DOCK10: variants seen among roughly 807,000 people sequenced by gnomAD.
DOCK10 encodes the protein dedicator of cytokinesis protein 10.
Under a neutral mutation model 280.1 loss-of-function variants are expected in DOCK10, and 145 were observed. The observed-to-expected ratio is 0.52, with a 90% CI of 0.45 to 0.59. DOCK10 has a LOEUF of 0.59. Ranked by LOEUF, DOCK10 falls within the 20% of genes least tolerant of loss-of-function variation. The probability of loss-of-function intolerance (pLI) is 0.00; values close to 1 mark genes in which losing one functional copy is unlikely to be tolerated. For missense variants in DOCK10, 2,368 were observed against 2,651.7 expected (o/e 0.89, Z 2.35); for synonymous variants, 915 against 942.2 (o/e 0.97, Z 0.53).
chr2:224,821,057 A>C (rs529098465), intron 28 of DOCK10, among the ~76,000 whole-genome samples: 28 of 152,392 alleles, frequency 1.8e-4, no homozygotes, highest in Non-Finnish European at 3.4e-4. Flanking sequence ...CAAAAGCTGC[A>C]ATCATTTGAA....
chr2:224,887,701 G>A (rs1165368239), intron 4 of DOCK10, among the ~76,000 whole-genome samples: 1 of 152,136 alleles, frequency 6.6e-6, no homozygotes, highest in African/African-American at 2.4e-5. Flanking sequence ...TTACAACATG[G>A]TGGTATGGGA....
intron 25 of DOCK10, 42 bp from the exon 26 acceptor site, chr2:224,834,305 A>T: frequency 8.8e-7 from 1 of 1,131,384 alleles, no homozygotes; most frequent in East Asian, 2.3e-5. Context: ...AATACTTTGA[A>T]AAATGAAGCT....
intron 1 of DOCK10, among the ~76,000 whole-genome samples, chr2:224,941,741 G>C (rs575123374): frequency 6.6e-6 from 1 of 151,824 alleles, no homozygotes; most frequent in East Asian, 1.9e-4. Context: ...CTACTCGAGA[G>C]ACCGAGGCAG....
intron 1 of DOCK10, chr2:224,982,590 C>T: frequency 1.1e-6 from 1 of 876,386 alleles, no homozygotes. Context: ...TATTAGAGCA[C>T]TGCGCTCAGA....
At chr2:224,792,829 T>G in intron 47 of DOCK10, 145 bp downstream of exon 47, 1 of 566,890 alleles carries the variant, frequency 1.8e-6, no homozygotes, top group Non-Finnish European at 3.1e-6. Flanking sequence ...ATGGCAGGAG[T>G]TTAAGTTTTT....
intron 1 of DOCK10, among the ~76,000 whole-genome samples, chr2:224,996,197 T>A (rs917521344): frequency 2.6e-5 from 4 of 152,188 alleles, no homozygotes; most frequent in Non-Finnish European, 5.9e-5. Context: ...TCAGGCACAG[T>A]GGGGCCTGGT....
At chr2:224,876,969 G>C (rs1016381298) in intron 7 of DOCK10, among the ~76,000 whole-genome samples, 1 of 152,092 alleles carries the variant, frequency 6.6e-6, no homozygotes, top group African/African-American at 2.4e-5. Context: ...TTCTTCTCTA[G>C]CTTGACATCT....
intron 1 of DOCK10, among the ~76,000 whole-genome samples, chr2:225,030,270 T>G (rs1575175262): frequency 6.6e-6 from 1 of 152,106 alleles, no homozygotes; most frequent in African/African-American, 2.4e-5. Flanking sequence ...AGCCGTGTCA[T>G]GAAAACTCTC....
chr2:224,848,916 A>C (rs1263513661), intron 19 of DOCK10, among the ~76,000 whole-genome samples: 1 of 152,236 alleles, frequency 6.6e-6, no homozygotes, highest in African/African-American at 2.4e-5. Context: ...ATTCACTGAA[A>C]AAGAAAAGAA....
chr2:224,908,670 AG>A (rs1171547323), intron 3 of DOCK10, among the ~76,000 whole-genome samples: 3 of 151,978 alleles, frequency 2.0e-5, no homozygotes, highest in Non-Finnish European at 2.9e-5. Context: ...CTAATTAAAA[AG>A]TTTTTTTTAG....
chr2:224,926,121 A>G (rs918857047), intron 2 of DOCK10, among the ~76,000 whole-genome samples: 10 of 152,354 alleles, frequency 6.6e-5, no homozygotes, highest in Admixed American at 3.9e-4. Flanking sequence ...AATACTGCTT[A>G]TTTTAGTGAA....
intron 4 of DOCK10, among the ~76,000 whole-genome samples, chr2:224,895,903 C>A (rs930929643): frequency 1.3e-5 from 2 of 150,646 alleles, no homozygotes; most frequent in Admixed American, 1.3e-4. Context: ...CTTCTGATAT[C>A]CCAGCATGAA....
Position 225,016,813 on chromosome 2 carries a change from T to C in DOCK10, c.123+25439A>G, listed in dbSNP as rs112105605. Among the ~76,000 whole-genome samples the C allele has an allele frequency of 5.1e-3, 770 of 151,746 alleles. 3 individuals carry two copies. The highest frequency in any genetic ancestry group is 0.018 in the African/African-American group (745 of 41,434). The stretch of plus-strand genomic sequence containing the variant: ...CGCCTCCCGTGTTCAAGCGATTCTC[T>C]TGCCTTGGCCTCCCGAGTAGCTGTG... On this transcript the variant is annotated intron_variant, in intron 1 of 55. Transcript: ENST00000258390.
At chr2:224,787,529 C>T in intron 48 of DOCK10, 132 bp from the exon 49 acceptor site, 2 of 1,120,798 alleles carry the variant, frequency 1.8e-6, no homozygotes, top group South Asian at 1.5e-5. Context: ...AGCAGGGGAT[C>T]GTGGTGTCAT....
intron 3 of DOCK10, among the ~76,000 whole-genome samples, chr2:224,914,355 A>T (rs10172791): frequency 0.57 from 86,617 of 152,024 alleles, 25,447 homozygotes; most frequent in Non-Finnish European, 0.64. Context: ...AAAAGAAAAC[A>T]AGAGCCAAAT....
At chr2:224,773,453 C>T in intron 52 of DOCK10, 106 bp from the exon 53 acceptor site, 4 of 986,402 alleles carry the variant, frequency 4.1e-6, no homozygotes, top group Non-Finnish European at 4.5e-6. Context: ...GCACATGGCA[C>T]CTTCCATTCT....
At position 224,896,348 on chromosome 2, in the gene DOCK10, A is replaced by C. The variant is rs376771721; in HGVS notation, c.363T>G (p.His121Gln). ...EACKFYSSQW[H>Q]VVNYKYEQYS... The stretch of plus-strand genomic sequence containing the variant: ...ATTGTTCATATTTGTAGTTTACCAC[A>C]TGCCACTGGGAACTATAAAATTTAC... The change falls in exon 4 of 56, where the codon CAT becomes CAG. Residue 121 changes from histidine to glutamine, a missense_variant. This residue lies in a region of DOCK10 where 1,209 missense variants were observed against 1,250.9 expected (regional missense o/e 0.97). Transcript: ENST00000258390. 8 of 1,604,364 alleles carry C rather than the reference A, an allele frequency of 5.0e-6. No individual in the cohort carries two copies. The African/African-American group carries it at 1.1e-4, about 22-fold the overall frequency.
At chr2:224,926,147 T>C (rs984104337) in intron 2 of DOCK10, among the ~76,000 whole-genome samples, 4 of 152,232 alleles carry the variant, frequency 2.6e-5, no homozygotes, top group Non-Finnish European at 5.9e-5. Context: ...AGGACACATG[T>C]AGTGCAGGAG....
chr2:224,976,557 TAG>T (rs1403184163), intron 1 of DOCK10, among the ~76,000 whole-genome samples: 1 of 152,010 alleles, frequency 6.6e-6, no homozygotes, highest in Non-Finnish European at 1.5e-5. Flanking sequence ...ACTTGAAATC[TAG>T]AGTTTCTCAA....
Sources: gnomAD v4.1 joint callset for allele counts (sites outside exome capture counted in the v4.1 genomes callset) on GRCh38, gnomAD v4.1.1 for gene constraint, gnomAD v4.1.1 regional missense constraint, MANE v1.5 for transcripts, NCBI Gene and HGNC (gene_info 2026-07-23, HGNC 2026-07-21) for gene names.